The following ESRRG variants were observed in gnomAD, a reference collection of about 807,000 sequenced individuals.
ESRRG encodes estrogen-related receptor gamma.
ESRRG carries 13 observed loss-of-function variants against 44.0 expected under a neutral mutation model. The observed-to-expected ratio is 0.30, with a 90% CI of 0.19 to 0.47. The LOEUF is 0.47. Ranked by LOEUF, ESRRG falls within the 20% of genes least tolerant of loss-of-function variation. The probability of loss-of-function intolerance (pLI) is 1.00; values close to 1 mark genes in which losing one functional copy is unlikely to be tolerated. For synonymous variants in ESRRG, 215 were observed against 214.6 expected (o/e 1.00, Z -0.02); for missense variants, 395 against 580.6 (o/e 0.68, Z 3.29).
intron 1 of ESRRG, among the ~76,000 whole-genome samples, chr1:216,722,373 C>T (rs1227817990): frequency 1.3e-5 from 2 of 152,134 alleles, no homozygotes; most frequent in Non-Finnish European, 2.9e-5. Flanking sequence ...CTCATTTACA[C>T]AAAAATGCCT....
chr1:216,728,316 T>A (rs11572661), upstream of ESRRG, among the ~76,000 whole-genome samples: 1 of 152,196 alleles, frequency 6.6e-6, no homozygotes, highest in African/African-American at 2.4e-5. Context: ...TGTAATATTA[T>A]GATAATCAAG....
chr1:216,860,713 C>A (rs2096037581), intron 2 of ESRRG, among the ~76,000 whole-genome samples: 1 of 151,868 alleles, frequency 6.6e-6, no homozygotes, highest in Non-Finnish European at 1.5e-5. Flanking sequence ...TCATCGCAAG[C>A]AAAACTGCAA....
intron 2 of ESRRG, among the ~76,000 whole-genome samples, chr1:216,783,770 T>C (rs1413257843): frequency 6.6e-6 from 1 of 151,992 alleles, no homozygotes; most frequent in Non-Finnish European, 1.5e-5. Flanking sequence ...CTTCCCAAAA[T>C]TCTTCCCATA....
chr1:216,732,188 T>C (rs1248010818), intron 2 of ESRRG, among the ~76,000 whole-genome samples: 2 of 151,956 alleles, frequency 1.3e-5, no homozygotes, highest in Non-Finnish European at 2.9e-5. Context: ...ATTTTTGCTA[T>C]AATTTAACAT....
chr1:217,127,359 G>A (rs958759625), intron 1 of ESRRG, among the ~76,000 whole-genome samples: 3 of 152,160 alleles, frequency 2.0e-5, no homozygotes, highest in South Asian at 2.1e-4. Context: ...CAGGTAAACA[G>A]GTGAATAAAT....
At chr1:216,703,380 C>T (rs1290949875) in intron 1 of ESRRG, among the ~76,000 whole-genome samples, 4 of 152,080 alleles carry the variant, frequency 2.6e-5, no homozygotes, top group South Asian at 2.1e-4. Flanking sequence ...CATTCAAAGC[C>T]GTCCTGGGCC....
chr1:217,134,763 C>A (rs1386440480), intron 1 of ESRRG, among the ~76,000 whole-genome samples: 1 of 152,250 alleles, frequency 6.6e-6, no homozygotes, highest in Non-Finnish European at 1.5e-5. Context: ...CCTCGCCAGC[C>A]TGCTGTGGTC....
intron 1 of ESRRG, among the ~76,000 whole-genome samples, chr1:217,020,592 A>G (rs1283635274): frequency 1.3e-5 from 2 of 152,184 alleles, no homozygotes; most frequent in African/African-American, 4.8e-5. Flanking sequence ...TGAAAGCACA[A>G]TTACAGAGTT....
chr1:216,978,014 A>T (rs1290339919), intron 1 of ESRRG, among the ~76,000 whole-genome samples: 1 of 151,992 alleles, frequency 6.6e-6, no homozygotes, highest in African/African-American at 2.4e-5. Flanking sequence ...ATGCTCTTGG[A>T]TTTCCCAGCC....
chr1:216,508,901 C>T (rs1047627606), intron 6 of ESRRG, among the ~76,000 whole-genome samples: 2 of 152,160 alleles, frequency 1.3e-5, no homozygotes, highest in African/African-American at 4.8e-5. Context: ...ATTTTCCCAA[C>T]TTATCCTGGG....
At chr1:216,592,992 T>G (rs567917992) in intron 3 of ESRRG, among the ~76,000 whole-genome samples, 31 of 152,362 alleles carry the variant, frequency 2.0e-4, no homozygotes, top group Non-Finnish European at 3.8e-4. Context: ...ATTACAAGGT[T>G]TGTGAATTAC....
intron 1 of ESRRG, among the ~76,000 whole-genome samples, chr1:216,973,249 C>T (rs530358826): frequency 2.6e-5 from 4 of 152,236 alleles, no homozygotes; most frequent in South Asian, 2.1e-4. Context: ...GCCATGATAC[C>T]GGCCTAATGA....
intron 3 of ESRRG, among the ~76,000 whole-genome samples, chr1:216,628,846 T>A (rs139336649): frequency 1.1e-4 from 17 of 152,332 alleles, no homozygotes; most frequent in African/African-American, 4.1e-4. Context: ...CCTGACTCCA[T>A]CTTCATCACT....
intron 3 of ESRRG, among the ~76,000 whole-genome samples, chr1:216,606,238 T>C (rs958988873): frequency 2.6e-5 from 4 of 152,164 alleles, no homozygotes; most frequent in African/African-American, 9.7e-5. Context: ...AGGCTTCTTA[T>C]CAGCAGCTGG....
chr1:216,761,477 T>A (rs137855810), intron 2 of ESRRG, among the ~76,000 whole-genome samples: 7 of 152,242 alleles, frequency 4.6e-5, no homozygotes, highest in African/African-American at 1.7e-4. Flanking sequence ...TGATCCATAA[T>A]TTCATTGTCA....
chr1:216,720,876 T>C (rs1322078102), intron 1 of ESRRG, among the ~76,000 whole-genome samples: 1 of 152,166 alleles, frequency 6.6e-6, no homozygotes, highest in Non-Finnish European at 1.5e-5. Context: ...TTGGAGTGTT[T>C]CAGTTGCCTT....
At chr1:217,084,941 ATTC>A (rs2091987903) in intron 1 of ESRRG, among the ~76,000 whole-genome samples, 1 of 152,152 alleles carries the variant, frequency 6.6e-6, no homozygotes, top group Admixed American at 6.5e-5. Flanking sequence ...ATAAATGATT[ATTC>A]TTCACAACTA....
chr1:217,067,526 A>G (rs2089935196), intron 1 of ESRRG, among the ~76,000 whole-genome samples: 1 of 147,146 alleles, frequency 6.8e-6, no homozygotes, highest in Non-Finnish European at 1.5e-5. Flanking sequence ...CATCTATATG[A>G]CACCAGTTTG....
At chr1:216,752,723 T>C (rs1225439710) in intron 2 of ESRRG, among the ~76,000 whole-genome samples, 2 of 152,106 alleles carry the variant, frequency 1.3e-5, no homozygotes, top group Non-Finnish European at 2.9e-5. Flanking sequence ...TTTAGAACAG[T>C]AGAGTGTAGT....
Sources: gnomAD v4.1 joint callset for allele counts (sites outside exome capture counted in the v4.1 genomes callset) on GRCh38, gnomAD v4.1.1 for gene constraint, MANE v1.5 for transcripts, NCBI Gene and HGNC (gene_info 2026-07-23, HGNC 2026-07-21) for gene names.